The following G3BP2 variants were observed in gnomAD, a reference collection of about 807,000 sequenced individuals.
G3BP2 encodes the protein ras GTPase-activating protein-binding protein 2.
In G3BP2, 11 loss-of-function variants were observed where a neutral mutation model predicts 56.7. That is an observed-to-expected ratio of 0.19 (90% CI 0.12 to 0.32). The LOEUF (loss-of-function observed/expected upper bound fraction) is 0.32, where lower values mean the gene tolerates loss of function less well. Ranked by LOEUF, G3BP2 falls within the 10% of genes least tolerant of loss-of-function variation. G3BP2 has a pLI of 1.00. For synonymous variants in G3BP2, 165 were observed against 191.6 expected, an observed-to-expected ratio of 0.86 and a Z score of 1.15; for missense variants, 340 against 610.9, an observed-to-expected ratio of 0.56 and a Z score of 4.67.
intron 3 of G3BP2, among the ~76,000 whole-genome samples, chr4:75,680,989 A>AG (rs1285947584): frequency 5.3e-5 from 8 of 150,480 alleles, no homozygotes; most frequent in Non-Finnish European, 8.9e-5. Flanking sequence ...AAAAATTAAA[A>AG]AAAAAAAAAG....
chr4:75,716,928 T>TA (rs1195804940), intron 3 of G3BP2, among the ~76,000 whole-genome samples: 2 of 152,174 alleles, frequency 1.3e-5, no homozygotes, highest in Admixed American at 6.5e-5. Flanking sequence ...TCTTTGTACT[T>TA]ACAATCTTCT....
chr4:75,674,885 A>T (rs958483077), upstream of G3BP2, among the ~76,000 whole-genome samples: 3 of 151,442 alleles, frequency 2.0e-5, no homozygotes, highest in South Asian at 2.1e-4. Context: ...ACCACACCCA[A>T]CTAATTTTTA....
chr4:75,662,971 G>C (rs533237432), intron 1 of G3BP2, among the ~76,000 whole-genome samples: 1 of 152,278 alleles, frequency 6.6e-6, no homozygotes, highest in South Asian at 2.1e-4. Context: ...TGGTAACAAT[G>C]ATTAATCACC....
chr4:75,680,281 T>A (rs1173781928), intron 3 of G3BP2, among the ~76,000 whole-genome samples: 1 of 152,136 alleles, frequency 6.6e-6, no homozygotes, highest in Non-Finnish European at 1.5e-5. Flanking sequence ...TGAGGGGGGA[T>A]AGGAAGTTGT....
upstream of G3BP2, among the ~76,000 whole-genome samples, chr4:75,674,725 T>TTTTTTTTTTTTTTTTG (rs1733791512): frequency 1.2e-5 from 1 of 86,588 alleles, no homozygotes; most frequent in African/African-American, 3.5e-5. Context: ...TATATTTTTT[T>TTTTTTTTTTTTTTTTG]TTTTTTTTTT....
Position 75,657,612 on chromosome 4 carries a change from G to A in G3BP2, c.296C>T (p.Ser99Phe). The change falls in exon 4 of 12, where the codon TCT (serine) becomes TTT (phenylalanine). Residue 99 changes from serine to phenylalanine, a missense_variant. By Grantham distance (155) the Ser-to-Phe change is radical. This residue lies in a region of G3BP2 where 224 missense variants were observed against 332.5 expected (regional missense o/e 0.67). Transcript: ENST00000359707. ...GVVVQVMGLL[S>F]NSGQPERKFM... The stretch of plus-strand genomic sequence containing the variant: ...CTTTCTTTCTGGTTGTCCACTGTTA[G>A]ACAGCAAACCCATGACCTGGACAAC... The A allele has an allele frequency of 6.2e-7, 1 of 1,613,576 alleles. No homozygotes were observed. The highest frequency in any genetic ancestry group is 8.5e-7 in the Non-Finnish European group (1 of 1,179,672).
At chr4:75,683,653 C>A (rs1029424283) in intron 3 of G3BP2, among the ~76,000 whole-genome samples, 1 of 152,190 alleles carries the variant, frequency 6.6e-6, no homozygotes, top group African/African-American at 2.4e-5. Context: ...TCCTGCTGGA[C>A]TGCCACTCTG....
intron 3 of G3BP2, among the ~76,000 whole-genome samples, chr4:75,709,419 C>CAAAG (rs1553893809): frequency 6.3e-5 from 3 of 47,404 alleles, no homozygotes; most frequent in African/African-American, 2.6e-4. Context: ...GACTCCGTCT[C>CAAAG]AAAAAAAAAA....
At chr4:75,674,983 A>G (rs1171656401), upstream of G3BP2, among the ~76,000 whole-genome samples, 1 of 151,946 alleles carries the variant, frequency 6.6e-6, no homozygotes, top group Non-Finnish European at 1.5e-5. Flanking sequence ...TTGGCCTCCT[A>G]AAGTGTTGGG....
At chr4:75,689,628 T>C (rs994196023) in intron 3 of G3BP2, among the ~76,000 whole-genome samples, 8 of 152,344 alleles carry the variant, frequency 5.3e-5, no homozygotes, top group Middle Eastern at 3.4e-3. Flanking sequence ...TGAATTTAAA[T>C]TCCCAAACAA....
chr4:75,694,684 G>T, intron 3 of G3BP2: 4 of 778,824 alleles, frequency 5.1e-6, no homozygotes, highest in Non-Finnish European at 6.2e-6. Context: ...GTTGCAGTGA[G>T]CCAAGATGGC....
chr4:75,671,826 A>T (rs1279664761), intron 1 of G3BP2, among the ~76,000 whole-genome samples: 2 of 152,254 alleles, frequency 1.3e-5, no homozygotes, highest in Non-Finnish European at 2.9e-5. Flanking sequence ...TTATCTCCTA[A>T]GACCAGGAAT....
chr4:75,716,553 T>C (rs1370723110), intron 3 of G3BP2, among the ~76,000 whole-genome samples: 3 of 151,748 alleles, frequency 2.0e-5, no homozygotes, highest in African/African-American at 7.3e-5. Flanking sequence ...TTCCCTCTTG[T>C]CACCCAGGCT....
intron 10 of G3BP2, 26 bp from the exon 11 acceptor site, chr4:75,646,482 G>A (rs755554026): frequency 1.6e-6 from 2 of 1,249,844 alleles, no homozygotes; most frequent in South Asian, 1.2e-5. Flanking sequence ...TTACATCAAG[G>A]GTTAAATATT....
At chr4:75,664,139 C>A (rs924927481) in intron 1 of G3BP2, among the ~76,000 whole-genome samples, 1 of 151,824 alleles carries the variant, frequency 6.6e-6, no homozygotes, top group African/African-American at 2.4e-5. Flanking sequence ...GCCTCAGCCT[C>A]CCAAAGTGCT....
chr4:75,680,718 G>A (rs1734037114), intron 3 of G3BP2, among the ~76,000 whole-genome samples: 1 of 152,186 alleles, frequency 6.6e-6, no homozygotes, highest in African/African-American at 2.4e-5. Context: ...TGTAATCCCA[G>A]CACTTTGGGA....
intron 7 of G3BP2, among the ~76,000 whole-genome samples, chr4:75,654,488 C>T (rs1467212768): frequency 2.0e-5 from 3 of 152,212 alleles, no homozygotes; most frequent in African/African-American, 7.2e-5. Flanking sequence ...TAGCTGGAAA[C>T]TCTGACATTC....
At chr4:75,673,496 T>G (rs1733690384), upstream of G3BP2, 1 of 1,231,636 alleles carries the variant, frequency 8.1e-7, no homozygotes, top group Non-Finnish European at 1.0e-6. Flanking sequence ...CGTCAGCCAA[T>G]CACGCATCTC....
chr4:75,657,444 C>T (rs1732204545), intron 4 of G3BP2, 113 bp downstream of exon 4: 1 of 773,120 alleles, frequency 1.3e-6, no homozygotes, highest in Non-Finnish European at 2.1e-6. Flanking sequence ...AGGTCAAACA[C>T]AAATTCCCCA....
Sources: gnomAD v4.1 joint callset for allele counts (sites outside exome capture counted in the v4.1 genomes callset) on GRCh38, gnomAD v4.1.1 for gene constraint, gnomAD v4.1.1 regional missense constraint, MANE v1.5 for transcripts, NCBI Gene and HGNC (gene_info 2026-07-23, HGNC 2026-07-21) for gene names.